Variants in NCAM2 observed in about 807,000 individuals in gnomAD.
The protein encoded by NCAM2 is neural cell adhesion molecule 2.
NCAM2 carries 30 observed loss-of-function variants against 98.1 expected under a neutral mutation model. That is an observed-to-expected ratio of 0.31 (90% CI 0.23 to 0.41). The LOEUF is 0.41. NCAM2 is among the 10% of genes least tolerant of loss of function. NCAM2 has a pLI of 1.00. For missense variants in NCAM2, 867 were observed against 1,005.8 expected (o/e 0.86, Z 1.87); for synonymous variants, 368 against 342.4 (o/e 1.07, Z -0.83).
intron 1 of NCAM2, among the ~76,000 whole-genome samples, chr21:21,176,840 G>A (rs545425429): frequency 6.3e-4 from 96 of 151,500 alleles, no homozygotes; most frequent in Admixed American, 1.4e-3. Context: ...GTTACTTATG[G>A]CTCAGGATTA....
At chr21:21,104,668 G>C (rs551196349) in intron 1 of NCAM2, among the ~76,000 whole-genome samples, 1 of 152,198 alleles carries the variant, frequency 6.6e-6, no homozygotes, top group East Asian at 1.9e-4. Context: ...GAAATAGAAA[G>C]AAGGGCCTGT....
chr21:21,232,888 A>C (rs1385732166), intron 1 of NCAM2, among the ~76,000 whole-genome samples: 2 of 151,596 alleles, frequency 1.3e-5, no homozygotes, highest in Non-Finnish European at 3.0e-5. Context: ...AATGGTTTCC[A>C]AATGTTGGTT....
intron 12 of NCAM2, among the ~76,000 whole-genome samples, chr21:21,439,123 T>G (rs1011144130): frequency 2.5e-5 from 1 of 40,222 alleles, no homozygotes; most frequent in Admixed American, 2.7e-4. Flanking sequence ...AAGTACTTCC[T>G]TTTTTTTTTT....
intron 12 of NCAM2, among the ~76,000 whole-genome samples, chr21:21,463,042 A>T (rs1461150396): frequency 6.6e-6 from 1 of 152,064 alleles, no homozygotes; most frequent in Non-Finnish European, 1.5e-5. Context: ...TTGTATATGC[A>T]GATTTAGGGA....
At chr21:21,203,813 T>C (rs192959594) in intron 1 of NCAM2, among the ~76,000 whole-genome samples, 1 of 152,300 alleles carries the variant, frequency 6.6e-6, no homozygotes, top group East Asian at 1.9e-4. Flanking sequence ...TTTTATGTTT[T>C]ATCATTGTGG....
chr21:21,257,592 T>A (rs561492901), intron 1 of NCAM2, among the ~76,000 whole-genome samples: 6 of 152,304 alleles, frequency 3.9e-5, no homozygotes, highest in East Asian at 3.9e-4. Flanking sequence ...CTCTTTTTTT[T>A]ATTTTTTCCT....
chr21:21,112,914 G>C (rs1161312857), intron 1 of NCAM2, among the ~76,000 whole-genome samples: 1 of 152,150 alleles, frequency 6.6e-6, no homozygotes, highest in Non-Finnish European at 1.5e-5. Context: ...GTAAGAATGG[G>C]ATGTGTTCTT....
At chr21:21,407,824 C>T (rs2076773343) in intron 9 of NCAM2, among the ~76,000 whole-genome samples, 1 of 152,012 alleles carries the variant, frequency 6.6e-6, no homozygotes, top group Non-Finnish European at 1.5e-5. Flanking sequence ...ATTTTACATA[C>T]CTTAAGGGTT....
intron 4 of NCAM2, among the ~76,000 whole-genome samples, chr21:21,289,751 A>G (rs1020769252): frequency 2.0e-5 from 3 of 151,982 alleles, no homozygotes; most frequent in African/African-American, 7.2e-5. Flanking sequence ...GATATCTGCT[A>G]CTACGGAGTT....
intron 8 of NCAM2, among the ~76,000 whole-genome samples, chr21:21,339,438 A>G (rs73322750): frequency 0.28 from 42,115 of 151,850 alleles, 6,038 homozygotes; most frequent in East Asian, 0.39. Context: ...TTTCATATGA[A>G]CTTCAAATAC....
chr21:21,304,764 A>G lies in NCAM2; in HGVS notation c.619+12523A>G, dbSNP rs147790707. ...TTATTGATCCTTCTGTTCCAGAAAC[A>G]GAAAATCTCTGTATATTCAGGTCTC... is the stretch of plus-strand genomic sequence containing the variant. On this transcript the variant is annotated intron_variant, in intron 5 of 17. Transcript: ENST00000400546. Among the ~76,000 whole-genome samples the G allele has an allele frequency of 9.4e-3, 1,425 of 152,258 alleles. 9 individuals are homozygous for G. Among genetic ancestry groups the G allele is most frequent in the Middle Eastern group, 0.017 (5 of 294 alleles).
At chr21:21,417,565 ATAATAGTTACAGAGATTG>A (rs938648856) in intron 10 of NCAM2, among the ~76,000 whole-genome samples, 6 of 152,076 alleles carry the variant, frequency 3.9e-5, no homozygotes, top group Non-Finnish European at 8.8e-5. Context: ...TTCTCTCTTA[ATAATAGTTACAGAGATTG>A]AAAATTATAT....
At chr21:21,382,404 C>A (rs2076171929) in intron 9 of NCAM2, among the ~76,000 whole-genome samples, 1 of 152,036 alleles carries the variant, frequency 6.6e-6, no homozygotes, top group Admixed American at 6.6e-5. Flanking sequence ...TTCTCACTGC[C>A]CTTCCAATTA....
In NCAM2 at chr21:21,357,574, T is replaced by C. The variant is rs1225008380; in HGVS notation, c.1045-16289T>C. Among the ~76,000 whole-genome samples, 5 of 152,246 alleles carry C rather than the reference T, an allele frequency of 3.3e-5. No homozygotes were observed. In the East Asian group the frequency reaches 9.6e-4, roughly 29 times the overall value. ...AATGAAAAACTAAAATATAAAAAAGTGGCATATTTATAGCATTGTCTTTAA... is the reference window on the plus strand; with the variant it reads ...AATGAAAAACTAAAATATAAAAAAGCGGCATATTTATAGCATTGTCTTTAA... On this transcript the variant is annotated intron_variant, in intron 8 of 17. Transcript: ENST00000400546.
At chr21:21,412,577 G>A (rs1306147159) in intron 10 of NCAM2, among the ~76,000 whole-genome samples, 2 of 152,146 alleles carry the variant, frequency 1.3e-5, no homozygotes, top group African/African-American at 4.8e-5. Flanking sequence ...ATAGTATATA[G>A]TGTATGCTAT....
chr21:21,452,731 T>TATAATATATATAATATATAATATATTAC (rs1569079057), intron 12 of NCAM2, among the ~76,000 whole-genome samples: 6 of 108,442 alleles, frequency 5.5e-5, no homozygotes, highest in Non-Finnish European at 8.3e-5. Flanking sequence ...TTATATATTA[T>TATAATATATATAATATATAATATATTAC]ATAATATATA....
intron 1 of NCAM2, among the ~76,000 whole-genome samples, chr21:21,051,848 A>T (rs967308428): frequency 1.3e-5 from 2 of 152,112 alleles, no homozygotes; most frequent in Non-Finnish European, 2.9e-5. Context: ...GCTCTCTGTA[A>T]CTGATATTTC....
intron 10 of NCAM2, among the ~76,000 whole-genome samples, chr21:21,418,111 A>T (rs2077031136): frequency 1.3e-5 from 2 of 152,026 alleles, no homozygotes; most frequent in African/African-American, 4.8e-5. Context: ...ATATACATGT[A>T]TACATAAATA....
chr21:21,173,113 A>T (rs539450678), intron 1 of NCAM2, among the ~76,000 whole-genome samples: 10 of 152,278 alleles, frequency 6.6e-5, no homozygotes, highest in African/African-American at 2.4e-4. Flanking sequence ...CATAGAGGGT[A>T]TTCAAATGTT....
Sources: gnomAD v4.1 joint callset for allele counts (sites outside exome capture counted in the v4.1 genomes callset) on GRCh38, gnomAD v4.1.1 for gene constraint, MANE v1.5 for transcripts, NCBI Gene and HGNC (gene_info 2026-07-23, HGNC 2026-07-21) for gene names.